Variants in LTBP2 observed in about 807,000 individuals in gnomAD.
The protein encoded by LTBP2 is latent transforming growth factor beta binding protein 2, also known as latent-transforming growth factor beta-binding protein 2.
In LTBP2, 103 loss-of-function variants were observed where a neutral mutation model predicts 210.6. That is an observed-to-expected ratio of 0.49 (90% confidence interval 0.42 to 0.58). The LOEUF is 0.58. Ranked by LOEUF, LTBP2 falls within the 20% of genes least tolerant of loss-of-function variation. The pLI is 0.00. For synonymous variants in LTBP2, 1,007 were observed against 1,015.0 expected, an observed-to-expected ratio of 0.99 and a Z score of 0.15; for missense variants, 2,313 against 2,494.5, an observed-to-expected ratio of 0.93 and a Z score of 1.55.
chr14:74,588,167 A>T (rs1439662571), intron 2 of LTBP2, among the ~76,000 whole-genome samples: 2 of 152,160 alleles, frequency 1.3e-5, no homozygotes, highest in Non-Finnish European at 2.9e-5. Context: ...CGTGTTTGCC[A>T]TTCACTGGGC....
rs2087047301 is a variant in LTBP2 at position 74,509,836 on chromosome 14, C to G, written c.3175G>C (p.Ala1059Pro). 1 of 1,614,058 alleles carries G rather than the reference C, an allele frequency of 6.2e-7. No individual in the cohort carries two copies. The highest frequency in any genetic ancestry group is 8.5e-7 in the Non-Finnish European group (1 of 1,180,030). The change falls in exon 21 of 36, where the codon GCC becomes CCC. Residue 1059 changes from alanine (A) to proline (P), a missense_variant. Ala to Pro is a conservative substitution (Grantham distance 27). Coordinates refer to ENST00000261978, the MANE Select transcript of LTBP2 (RefSeq NM_000428.3). The stretch of plus-strand genomic sequence containing the variant: ...AGGCAGAGGCCTGTGGGGCATGAGG[C>G]CCGGCTGGCACACTCATCCACATCT... Reference protein sequence around the residue: ...CQDVDECASRASCPTGLCLNT... With the variant: ...CQDVDECASRPSCPTGLCLNT...
rs1388925185 is a variant in LTBP2, at chr14:74,583,311, A to C, written c.830+2543T>G. On this transcript the variant is annotated intron_variant, in intron 3 of 35. Coordinates refer to ENST00000261978, the MANE Select transcript of LTBP2 (RefSeq NM_000428.3). The stretch of plus-strand genomic sequence containing the variant: ...ACACACAGGGCTTGTCCAAGTTGCT[A>C]TCAGGAGAGAGGCCAGCAACTGCTT... Among the ~76,000 whole-genome samples the C allele has an allele frequency of 2.0e-5, 3 of 152,298 alleles. No individual in the cohort carries two copies. The East Asian group carries it at 5.8e-4, about 29-fold the overall frequency.
At chr14:74,538,116 T>C (rs1342756640) in intron 8 of LTBP2, among the ~76,000 whole-genome samples, 1 of 152,180 alleles carries the variant, frequency 6.6e-6, no homozygotes, top group East Asian at 1.9e-4. Flanking sequence ...GTTAGAGATA[T>C]TTATCCTTTA....
At chr14:74,595,350 C>T (rs984070349) in intron 2 of LTBP2, among the ~76,000 whole-genome samples, 15 of 152,202 alleles carry the variant, frequency 9.9e-5, no homozygotes, top group African/African-American at 3.4e-4. Context: ...AGACTCTGGG[C>T]CCAGCTCATG....
At chr14:74,595,595 A>G (rs1178633331) in intron 2 of LTBP2, among the ~76,000 whole-genome samples, 1 of 152,158 alleles carries the variant, frequency 6.6e-6, no homozygotes, top group Non-Finnish European at 1.5e-5. Flanking sequence ...CCACAGCAGC[A>G]CCAGCCCCGC....
chr14:74,605,163 G>C (rs1287612742), intron 1 of LTBP2, among the ~76,000 whole-genome samples: 2 of 152,278 alleles, frequency 1.3e-5, no homozygotes, highest in African/African-American at 4.8e-5. Flanking sequence ...TGTGATCTCT[G>C]TGGCCAGCAT....
chr14:74,569,117 CA>C (rs1274400271), intron 3 of LTBP2, among the ~76,000 whole-genome samples: 1 of 138,038 alleles, frequency 7.2e-6, no homozygotes, highest in Non-Finnish European at 1.5e-5. Flanking sequence ...GGCATGGGTC[CA>C]AGTCATCTAG....
At chr14:74,591,745 T>C (rs2139794500) in intron 2 of LTBP2, among the ~76,000 whole-genome samples, 1 of 152,348 alleles carries the variant, frequency 6.6e-6, no homozygotes, top group East Asian at 1.9e-4. Flanking sequence ...TCCATGATGG[T>C]GGCTTCCAGT....
intron 3 of LTBP2, among the ~76,000 whole-genome samples, chr14:74,572,284 GGT>G (rs751715934): frequency 2.5e-3 from 306 of 120,018 alleles, no homozygotes; most frequent in Non-Finnish European, 4.5e-3. Flanking sequence ...GCAGAGGTGG[GGT>G]GTGTGTGTGT....
intron 8 of LTBP2, among the ~76,000 whole-genome samples, chr14:74,537,274 T>A (rs1237178525): frequency 6.6e-6 from 1 of 152,104 alleles, no homozygotes; most frequent in Non-Finnish European, 1.5e-5. Flanking sequence ...GCAGGAGGCA[T>A]ACTTCTGATC....
rs372610241 is a variant in LTBP2, at chr14:74,506,685, A to G, written c.4033+13T>C. The G allele has an allele frequency of 5.6e-6, 9 of 1,612,654 alleles. No homozygotes were observed. The highest frequency in any genetic ancestry group is 6.8e-6 in the Non-Finnish European group (8 of 1,179,942). ...CCCTGGCCCAGACCTTGGGTAGCCC[A>G]CAGGCTCCTCACCCACACAGTCCCA... is the stretch of plus-strand genomic sequence containing the variant. On this transcript the variant is annotated intron_variant, in intron 27 of 35. Coordinates refer to ENST00000261978, the MANE Select transcript of LTBP2 (RefSeq NM_000428.3).
At chr14:74,595,603 C>T (rs1469469921) in intron 2 of LTBP2, among the ~76,000 whole-genome samples, 2 of 152,170 alleles carry the variant, frequency 1.3e-5, no homozygotes, top group African/African-American at 2.4e-5. Flanking sequence ...GCACCAGCCC[C>T]GCGCCCAGGC....
At chr14:74,553,138 C>T (rs2087683600) in intron 4 of LTBP2, 76 bp from the exon 5 acceptor site, 7 of 1,407,868 alleles carry the variant, frequency 5.0e-6, no homozygotes, top group Non-Finnish European at 6.0e-6. Context: ...GGTTAGAAAG[C>T]CCCATGGGAC....
intron 33 of LTBP2, 21 bp downstream of exon 33, chr14:74,503,198 A>G (rs1250304914): frequency 1.9e-6 from 3 of 1,613,176 alleles, no homozygotes; most frequent in Admixed American, 3.3e-5. Flanking sequence ...CCTGCAGGGT[A>G]TCCCCTTTGC....
chr14:74,599,664 C>T (rs1052476044), intron 2 of LTBP2, among the ~76,000 whole-genome samples: 1 of 152,264 alleles, frequency 6.6e-6, no homozygotes, highest in Admixed American at 6.5e-5. Flanking sequence ...CTCTAGCCCC[C>T]GCCAAGGTGG....
At position 74,503,950 on chromosome 14, in the gene LTBP2, C is replaced by A; in HGVS notation, c.4558G>T (p.Asp1520Tyr). The A allele has an allele frequency of 6.2e-7, 1 of 1,614,118 alleles. No individual in the cohort carries two copies. Among genetic ancestry groups the A allele is most frequent in the Non-Finnish European group, 8.5e-7 (1 of 1,180,028 alleles). ...VCLCNPGFHY[D>Y]ASHKKCEDHD... is the part of the protein sequence containing the mutation. The stretch of plus-strand genomic sequence containing the variant: ...CCCTCACACTTCTTGTGGGAAGCAT[C>A]GTAGTGGAAGCCGGGATTGCACAGG... The change falls in exon 31 of 36, where the codon GAT becomes TAT. Residue 1520 changes from aspartate to tyrosine, a missense_variant. Physicochemically the swap from Asp to Tyr is radical, Grantham distance 160. Transcript: ENST00000261978.
intron 2 of LTBP2, among the ~76,000 whole-genome samples, chr14:74,598,941 C>T (rs1185338810): frequency 6.6e-6 from 1 of 152,174 alleles, no homozygotes; most frequent in African/African-American, 2.4e-5. Context: ...GTCTCAGAGG[C>T]ATGACTCGGA....
intron 8 of LTBP2, among the ~76,000 whole-genome samples, chr14:74,545,336 G>A (rs2087563759): frequency 6.6e-6 from 1 of 152,220 alleles, no homozygotes; most frequent in South Asian, 2.1e-4. Context: ...CAAATTCAGT[G>A]AGACAAAACA....
In LTBP2 at chr14:74,603,709, TG is replaced by T. The variant is rs758781920; in HGVS notation, c.495-5del. 1.2e-6 allele frequency: 2 copies of T among 1,613,960 alleles called. No individual in the cohort carries two copies. The highest frequency in any genetic ancestry group is 1.7e-6 in the Non-Finnish European group (2 of 1,179,830). On this transcript the variant is annotated splice_region_variant and splice_polypyrimidine_tract_variant and intron_variant, in intron 1 of 35. Coordinates refer to ENST00000261978, the MANE Select transcript of LTBP2 (RefSeq NM_000428.3). ...CTGTCCCCCGCAGACGTTCCTCCTGTGGGGTCACCAAAACAGAGTCAACACA... is the reference window on the plus strand; with the variant it reads ...CTGTCCCCCGCAGACGTTCCTCCTGTGGGTCACCAAAACAGAGTCAACACA...
Sources: allele counts gnomAD v4.1 joint callset (sites outside exome capture counted in the v4.1 genomes callset), GRCh38; gene constraint gnomAD v4.1.1; transcripts MANE v1.5; gene names NCBI Gene and HGNC (gene_info 2026-07-23, HGNC 2026-07-21).